The following NAALADL2 variants were observed in gnomAD, a reference collection of about 807,000 sequenced individuals.
NAALADL2 encodes the protein N-acetylated alpha-linked acidic dipeptidase like 2.
In NAALADL2, 76 loss-of-function variants were observed where a neutral mutation model predicts 87.2. That is an observed-to-expected ratio of 0.87 (90% CI 0.72 to 1.05). The LOEUF (loss-of-function observed/expected upper bound fraction) is 1.05, where lower values mean the gene tolerates loss of function less well. NAALADL2 is among the 50% of genes least tolerant of loss of function. NAALADL2 has a pLI of 0.00. For synonymous variants in NAALADL2, 354 were observed against 331.0 expected, an observed-to-expected ratio of 1.07 and a Z score of -0.75; for missense variants, 1,089 against 945.8, an observed-to-expected ratio of 1.15 and a Z score of -1.99.
chr3:174,620,775 T>C (rs541024661), intron 2 of NAALADL2, among the ~76,000 whole-genome samples: 1 of 152,174 alleles, frequency 6.6e-6, no homozygotes, highest in East Asian at 1.9e-4. Flanking sequence ...ACTTATGTAT[T>C]TTACTCACAA....
chr3:175,528,500 C>A (rs1733701533), intron 9 of NAALADL2, among the ~76,000 whole-genome samples: 1 of 151,756 alleles, frequency 6.6e-6, no homozygotes, highest in Admixed American at 6.6e-5. Flanking sequence ...TTTGGTAGCA[C>A]CCTCTCAGAC....
At chr3:175,036,710 CT>C (rs550880288) in intron 1 of NAALADL2, among the ~76,000 whole-genome samples, 58 of 151,450 alleles carry the variant, frequency 3.8e-4, no homozygotes, top group Middle Eastern at 3.4e-3. Flanking sequence ...ATAGGACACA[CT>C]TTTTTAACTT....
intron 2 of NAALADL2, among the ~76,000 whole-genome samples, chr3:175,119,747 A>G (rs1467621176): frequency 6.9e-6 from 1 of 144,674 alleles, no homozygotes; most frequent in Non-Finnish European, 1.5e-5. Flanking sequence ...ATATACTTAT[A>G]TATCTATATA....
intron 11 of NAALADL2, among the ~76,000 whole-genome samples, chr3:175,640,430 T>C (rs964274038): frequency 6.6e-6 from 1 of 152,146 alleles, no homozygotes; most frequent in African/African-American, 2.4e-5. Flanking sequence ...TTATTGATGA[T>C]ATATGTGTTC....
At chr3:175,244,247 G>A (rs1006683439) in intron 3 of NAALADL2, among the ~76,000 whole-genome samples, 1 of 152,036 alleles carries the variant, frequency 6.6e-6, no homozygotes, top group East Asian at 1.9e-4. Flanking sequence ...ATAAAGTTGC[G>A]GAAGCTCTCA....
intron 9 of NAALADL2, among the ~76,000 whole-genome samples, chr3:175,523,232 T>C (rs1267571784): frequency 6.6e-6 from 1 of 152,206 alleles, no homozygotes; most frequent in Non-Finnish European, 1.5e-5. Context: ...TCAGGAGTTG[T>C]TAGAACTGAG....
chr3:175,174,236 G>A (rs188483196), intron 2 of NAALADL2, among the ~76,000 whole-genome samples: 3 of 152,102 alleles, frequency 2.0e-5, no homozygotes, highest in East Asian at 3.9e-4. Context: ...AAGTTACCCC[G>A]TGTTTAATAG....
intron 3 of NAALADL2, among the ~76,000 whole-genome samples, chr3:174,822,231 G>A (rs1721508933): frequency 6.6e-6 from 1 of 152,056 alleles, no homozygotes. Flanking sequence ...TATGAGAGCG[G>A]ATAGACCCTG....
chr3:174,467,004 G>A (rs142190509), intron 1 of NAALADL2, among the ~76,000 whole-genome samples: 13 of 152,212 alleles, frequency 8.5e-5, no homozygotes, highest in Admixed American at 2.0e-4. Flanking sequence ...AAAGCAGGAC[G>A]CATTAGAAGT....
At chr3:175,184,799 C>T (rs923641170) in intron 2 of NAALADL2, among the ~76,000 whole-genome samples, 1 of 152,032 alleles carries the variant, frequency 6.6e-6, no homozygotes, top group African/African-American at 2.4e-5. Context: ...ACCTCTGATT[C>T]AACTTTTGAA....
At chr3:175,236,059 C>T (rs974459271) in intron 3 of NAALADL2, among the ~76,000 whole-genome samples, 4 of 152,158 alleles carry the variant, frequency 2.6e-5, no homozygotes, top group African/African-American at 9.7e-5. Context: ...TGTGCAGCTT[C>T]TCCGAGGCCC....
At chr3:175,681,047 A>G (rs1735523740) in intron 11 of NAALADL2, among the ~76,000 whole-genome samples, 1 of 152,110 alleles carries the variant, frequency 6.6e-6, no homozygotes, top group African/African-American at 2.4e-5. Flanking sequence ...CGGGAGGTGG[A>G]GGTTGCCGTG....
At chr3:175,084,172 TG>T (rs1215556507) in intron 1 of NAALADL2, among the ~76,000 whole-genome samples, 1 of 152,218 alleles carries the variant, frequency 6.6e-6, no homozygotes. Context: ...AGTGGTGGTC[TG>T]GTTATTTATT....
chr3:174,825,431 C>T (rs1721871770), intron 3 of NAALADL2, among the ~76,000 whole-genome samples: 1 of 152,182 alleles, frequency 6.6e-6, no homozygotes. Flanking sequence ...AGAGAATTTG[C>T]CCTTTCTCTG....
chr3:175,555,936 G>T (rs1248043568), intron 9 of NAALADL2, among the ~76,000 whole-genome samples: 1 of 152,176 alleles, frequency 6.6e-6, no homozygotes, highest in East Asian at 1.9e-4. Context: ...AAATGAAAAA[G>T]CCTCTTAATT....
At chr3:175,711,468 T>C (rs1740520865) in intron 11 of NAALADL2, among the ~76,000 whole-genome samples, 1 of 151,900 alleles carries the variant, frequency 6.6e-6, no homozygotes. Context: ...AATTAAATTA[T>C]ATGTCTTAAT....
intron 1 of NAALADL2, among the ~76,000 whole-genome samples, chr3:174,461,810 C>T (rs1338456400): frequency 1.3e-5 from 2 of 152,010 alleles, no homozygotes; most frequent in African/African-American, 4.8e-5. Flanking sequence ...AGTACTCTTT[C>T]TCTTTATTCC....
intron 1 of NAALADL2, among the ~76,000 whole-genome samples, chr3:174,441,589 A>C (rs1466246442): frequency 6.6e-6 from 1 of 152,202 alleles, no homozygotes; most frequent in Non-Finnish European, 1.5e-5. Context: ...GAAGTTTATG[A>C]GAAGCCATGG....
chr3:174,642,098 A>T (rs2108732832), intron 2 of NAALADL2, among the ~76,000 whole-genome samples: 1 of 152,240 alleles, frequency 6.6e-6, no homozygotes, highest in East Asian at 1.9e-4. Flanking sequence ...GGCCCTTAAT[A>T]TTCACATGAA....
Sources: gnomAD v4.1 joint callset for allele counts (sites outside exome capture counted in the v4.1 genomes callset) on GRCh38, gnomAD v4.1.1 for gene constraint, MANE v1.5 for transcripts, NCBI Gene and HGNC (gene_info 2026-07-23, HGNC 2026-07-21) for gene names.